Variants in PKNOX2 observed in about 807,000 individuals in gnomAD.
The protein encoded by PKNOX2 is homeobox protein PKNOX2.
A neutral mutation model predicts 53.1 loss-of-function variants in PKNOX2; 14 were observed. The observed-to-expected ratio is 0.26, with a 90% CI of 0.17 to 0.41. PKNOX2 has a LOEUF of 0.41. Among genes scored for constraint, PKNOX2 ranks in the 10% least tolerant of loss-of-function variants. The pLI is 1.00. For missense variants in PKNOX2, 496 were observed against 602.8 expected, an observed-to-expected ratio of 0.82 and a Z score of 1.85; for synonymous variants, 257 against 242.8, an observed-to-expected ratio of 1.06 and a Z score of -0.54.
At chr11:125,283,635 G>T (rs562427068) in intron 2 of PKNOX2, among the ~76,000 whole-genome samples, 1 of 152,204 alleles carries the variant, frequency 6.6e-6, no homozygotes, top group Non-Finnish European at 1.5e-5. Flanking sequence ...TTGGAAGGAA[G>T]TAGAAATCAG....
At chr11:125,225,786 G>T (rs1390579865) in intron 1 of PKNOX2, among the ~76,000 whole-genome samples, 1 of 152,210 alleles carries the variant, frequency 6.6e-6, no homozygotes, top group African/African-American at 2.4e-5. Context: ...CCAAAGTAAA[G>T]TTGGATGCAA....
intron 1 of PKNOX2, among the ~76,000 whole-genome samples, chr11:125,201,509 A>T (rs957508385): frequency 4.6e-5 from 7 of 152,120 alleles, no homozygotes; most frequent in African/African-American, 1.7e-4. Context: ...CTGGCTGGAG[A>T]AGGTGCCTGG....
intron 1 of PKNOX2, among the ~76,000 whole-genome samples, chr11:125,205,231 C>G (rs1026035501): frequency 6.6e-6 from 1 of 152,114 alleles, no homozygotes; most frequent in African/African-American, 2.4e-5. Context: ...GTGTGTGGTA[C>G]ATAGTGGGGC....
At chr11:125,410,953 CT>C in intron 9 of PKNOX2, 77 bp downstream of exon 9, 1 of 1,209,230 alleles carries the variant, frequency 8.3e-7, no homozygotes, top group Non-Finnish European at 1.2e-6. Flanking sequence ...CTGCCAGGCA[CT>C]TTACACGGGT....
At chr11:125,331,193 T>A (rs1341300833) in intron 2 of PKNOX2, among the ~76,000 whole-genome samples, 3 of 152,172 alleles carry the variant, frequency 2.0e-5, no homozygotes, top group African/African-American at 7.2e-5. Flanking sequence ...AGAAACAAAA[T>A]TAATTCACTT....
At position 125,206,132 on chromosome 11, in the gene PKNOX2, C is replaced by T. The variant is rs76215945; in HGVS notation, c.-200-28913C>T. Reference sequence around the variant, plus strand: ...CAGGCACTGTGTCATACTCTGCAGGCGCACAGACAAAGGAGACAGAGTCCC... The same window carrying T: ...CAGGCACTGTGTCATACTCTGCAGGTGCACAGACAAAGGAGACAGAGTCCC... On this transcript the variant is annotated intron_variant, in intron 1 of 12. Transcript: ENST00000298282. 1.7e-3 allele frequency among the ~76,000 whole-genome samples: 252 copies of T among 152,052 alleles called. 3 individuals are homozygous for T. In the East Asian group the frequency reaches 0.03, roughly 18 times the overall value.
At chr11:125,225,713 C>G (rs1941627200) in intron 1 of PKNOX2, among the ~76,000 whole-genome samples, 1 of 152,214 alleles carries the variant, frequency 6.6e-6, no homozygotes, top group Non-Finnish European at 1.5e-5. Context: ...TCTGCCTGTG[C>G]TGTTTTCCCC....
chr11:125,371,425 C>T (rs1487406967), intron 5 of PKNOX2, among the ~76,000 whole-genome samples: 2 of 152,110 alleles, frequency 1.3e-5, no homozygotes, highest in South Asian at 2.1e-4. Flanking sequence ...AAGCCCCACC[C>T]GCCCATGCTG....
chr11:125,410,726 T>G (rs1333529003), intron 8 of PKNOX2, 53 bp from the exon 9 acceptor site: 4 of 1,398,972 alleles, frequency 2.9e-6, no homozygotes, highest in Non-Finnish European at 4.1e-6. Context: ...CTGCTTGCCC[T>G]CGCTCCTACC....
intron 7 of PKNOX2, 151 bp from the exon 8 acceptor site, chr11:125,410,045 A>G: frequency 9.5e-7 from 1 of 1,049,658 alleles, no homozygotes; most frequent in African/African-American, 1.6e-5. Flanking sequence ...CTAGGAAACC[A>G]AGAGAGTTGC....
intron 7 of PKNOX2, among the ~76,000 whole-genome samples, chr11:125,406,587 C>T (rs889358520): frequency 5.3e-5 from 8 of 152,172 alleles, no homozygotes; most frequent in Admixed American, 1.3e-4. Context: ...ACTGTGCTTG[C>T]ATTGGAGCCT....
rs1205044771 is a variant in PKNOX2, at chr11:125,166,819, C to T, written c.-201+2043C>T. On this transcript the variant is annotated intron_variant, in intron 1 of 12. Transcript: ENST00000298282. This position sits in a 1 kb window ranked among gnomAD's most constrained non-coding sequence, Gnocchi z 4.0. ...TTGGAGTGCCCTACTGTCATCTCTC[C>T]TGTCCGGAGACTTCAGGATATTAGC... Among the ~76,000 whole-genome samples the T allele has an allele frequency of 6.6e-6, 1 of 152,216 alleles. No homozygotes were observed. The highest frequency in any genetic ancestry group is 1.5e-5 in the Non-Finnish European group (1 of 68,040).
intron 2 of PKNOX2, among the ~76,000 whole-genome samples, chr11:125,322,796 T>C (rs377661808): frequency 6.6e-6 from 1 of 152,256 alleles, no homozygotes; most frequent in East Asian, 1.9e-4. Context: ...TTGATTATTT[T>C]TGTGACCTTA....
intron 3 of PKNOX2, among the ~76,000 whole-genome samples, chr11:125,350,672 C>T (rs1201624198): frequency 5.9e-5 from 9 of 152,198 alleles, no homozygotes; most frequent in Non-Finnish European, 1.2e-4. Flanking sequence ...CTTTCCCTTC[C>T]CCAAGGCCTC....
At chr11:125,243,901 C>T (rs996873183) in intron 2 of PKNOX2, among the ~76,000 whole-genome samples, 3 of 152,192 alleles carry the variant, frequency 2.0e-5, no homozygotes, top group African/African-American at 4.8e-5. Context: ...GGATTGCAGG[C>T]GTGAGCCACC....
At chr11:125,413,608 G>A (rs1328047626) in intron 10 of PKNOX2, among the ~76,000 whole-genome samples, 3 of 152,178 alleles carry the variant, frequency 2.0e-5, no homozygotes, top group Non-Finnish European at 4.4e-5. Context: ...GAAAGCTCAT[G>A]GGCTTTTGAG....
At chr11:125,206,412 T>C (rs1325848595) in intron 1 of PKNOX2, among the ~76,000 whole-genome samples, 1 of 151,934 alleles carries the variant, frequency 6.6e-6, no homozygotes, top group East Asian at 1.9e-4. Context: ...ACCAGCGTGG[T>C]GTGTGTGCAA....
At chr11:125,257,948 T>A (rs1185474859) in intron 2 of PKNOX2, among the ~76,000 whole-genome samples, 1 of 152,140 alleles carries the variant, frequency 6.6e-6, no homozygotes, top group Middle Eastern at 3.2e-3. Context: ...TTAACCTGCC[T>A]TCCCAAGAAG....
intron 2 of PKNOX2, among the ~76,000 whole-genome samples, chr11:125,294,448 G>A (rs1183440308): frequency 1.3e-5 from 2 of 152,210 alleles, no homozygotes. Flanking sequence ...TAGAGAAGGT[G>A]GGAGAAGTCG....
Sources: allele counts gnomAD v4.1 joint callset (sites outside exome capture counted in the v4.1 genomes callset), GRCh38; gene constraint gnomAD v4.1.1; non-coding constraint Gnocchi (gnomAD v3.1); transcripts MANE v1.5; gene names NCBI Gene and HGNC (gene_info 2026-07-23, HGNC 2026-07-21).